The following COL19A1 variants were observed in gnomAD, a reference collection of about 807,000 sequenced individuals.
The protein encoded by COL19A1 is collagen type XIX alpha 1 chain, also known as collagen alpha-1(XIX) chain.
COL19A1 carries 159 observed loss-of-function variants against 190.2 expected under a neutral mutation model. The ratio of observed to expected loss-of-function variants is 0.84; its 90% confidence interval spans 0.73 to 0.95. The LOEUF (loss-of-function observed/expected upper bound fraction) is 0.95, where lower values mean the gene tolerates loss of function less well. Among genes scored for constraint, COL19A1 ranks in the 40% least tolerant of loss-of-function variants. The pLI is 0.00. For missense variants in COL19A1, 1,418 were observed against 1,431.9 expected (o/e 0.99, Z 0.16); for synonymous variants, 509 against 458.9 (o/e 1.11, Z -1.39).
chr6:69,950,817 CA>C (rs1198330575), intron 9 of COL19A1, among the ~76,000 whole-genome samples: 1 of 151,678 alleles, frequency 6.6e-6, no homozygotes, highest in Admixed American at 6.6e-5. Flanking sequence ...ATATAACACT[CA>C]AATCATGTTT....
chr6:70,058,593 G>A (rs1429374355), intron 14 of COL19A1, among the ~76,000 whole-genome samples: 2 of 151,904 alleles, frequency 1.3e-5, no homozygotes, highest in Admixed American at 1.3e-4. Context: ...AAAATGATAG[G>A]CTTTTATACA....
At chr6:70,087,016 A>G (rs1239917800) in intron 15 of COL19A1, among the ~76,000 whole-genome samples, 1 of 152,072 alleles carries the variant, frequency 6.6e-6, no homozygotes, top group Non-Finnish European at 1.5e-5. Flanking sequence ...ATAAAGTTTT[A>G]TTGGAACACA....
chr6:70,157,917 G>A (rs1787543993), intron 34 of COL19A1, among the ~76,000 whole-genome samples: 1 of 152,122 alleles, frequency 6.6e-6, no homozygotes, highest in African/African-American at 2.4e-5. Flanking sequence ...GTCACTAGAA[G>A]TTAATTTTCA....
intron 15 of COL19A1, among the ~76,000 whole-genome samples, chr6:70,072,674 G>A (rs1781627321): frequency 6.6e-6 from 1 of 152,076 alleles, no homozygotes; most frequent in South Asian, 2.1e-4. Context: ...TGAAGTGCTT[G>A]CTCCAAGCTG....
intron 11 of COL19A1, among the ~76,000 whole-genome samples, chr6:69,990,566 G>A (rs2150073661): frequency 6.6e-6 from 1 of 152,004 alleles, no homozygotes; most frequent in South Asian, 2.1e-4. Context: ...TACATTATTT[G>A]TTAAAGAATC....
At chr6:70,118,054 A>G (rs936877933) in intron 16 of COL19A1, among the ~76,000 whole-genome samples, 2 of 152,052 alleles carry the variant, frequency 1.3e-5, no homozygotes, top group African/African-American at 2.4e-5. Flanking sequence ...GCCCTAGAGC[A>G]TCTACACCAC....
chr6:70,109,232 A>G (rs1784142996), intron 16 of COL19A1, among the ~76,000 whole-genome samples: 1 of 152,122 alleles, frequency 6.6e-6, no homozygotes, highest in Non-Finnish European at 1.5e-5. Context: ...TCTCATTACC[A>G]TCTAATTGAG....
chr6:70,023,741 A>T, intron 12 of COL19A1, 61 bp downstream of exon 12: 1 of 1,474,092 alleles, frequency 6.8e-7, no homozygotes, highest in Non-Finnish European at 9.3e-7. Flanking sequence ...TATGCTATTT[A>T]ATGCTATTAA....
intron 44 of COL19A1, among the ~76,000 whole-genome samples, chr6:70,183,388 A>G (rs1326048192): frequency 6.6e-6 from 1 of 152,152 alleles, no homozygotes; most frequent in Non-Finnish European, 1.5e-5. Context: ...ATAGAAAGTA[A>G]CACCTTCCTA....
chr6:69,868,468 C>G (rs543391494), intron 1 of COL19A1, among the ~76,000 whole-genome samples: 34 of 152,184 alleles, frequency 2.2e-4, no homozygotes, highest in African/African-American at 7.0e-4. Context: ...AATTTATGCT[C>G]TCTCTAGGGG....
intron 1 of COL19A1, chr6:69,867,749 A>C (rs878969237): frequency 6.6e-6 from 1 of 152,548 alleles, no homozygotes; most frequent in Non-Finnish European, 1.5e-5. Context: ...GCTTCATTTG[A>C]TGAGAAGGTG....
chr6:70,066,897 T>C (rs1186066586), intron 14 of COL19A1, among the ~76,000 whole-genome samples: 7 of 152,154 alleles, frequency 4.6e-5, no homozygotes, highest in Non-Finnish European at 8.8e-5. Flanking sequence ...GGGTGAATTA[T>C]AAATATTTGG....
chr6:70,205,937 C>T (rs950646678), intron 49 of COL19A1, among the ~76,000 whole-genome samples: 1 of 152,182 alleles, frequency 6.6e-6, no homozygotes, highest in Non-Finnish European at 1.5e-5. Flanking sequence ...TTTGCTGAAG[C>T]TCCTTTGGAG....
At chr6:70,196,603 T>G (rs1247839483) in intron 48 of COL19A1, among the ~76,000 whole-genome samples, 1 of 152,250 alleles carries the variant, frequency 6.6e-6, no homozygotes, top group Non-Finnish European at 1.5e-5. Context: ...ATCATCATAT[T>G]AATATTAATG....
intron 6 of COL19A1, among the ~76,000 whole-genome samples, chr6:69,931,669 C>G (rs1415548921): frequency 6.6e-6 from 1 of 151,846 alleles, no homozygotes; most frequent in Non-Finnish European, 1.5e-5. Flanking sequence ...AAAAATTAAC[C>G]TTAATAACCT....
intron 9 of COL19A1, among the ~76,000 whole-genome samples, chr6:69,949,310 G>T (rs979346249): frequency 5.3e-5 from 8 of 151,734 alleles, no homozygotes; most frequent in African/African-American, 1.5e-4. Flanking sequence ...CTCAGTCCCT[G>T]GTGGTGCCAG....
chr6:70,171,419 C>T lies in COL19A1; in HGVS notation c.2569-545C>T, dbSNP rs565411427. Among the ~76,000 whole-genome samples, 6 of 152,314 alleles carry T rather than the reference C, an allele frequency of 3.9e-5. No individual in the cohort carries two copies. The East Asian group carries it at 9.6e-4, about 24-fold the overall frequency. ...ATAGAAAACACTAATCTACCCCCTTCCAGTGACTCATCAACTTGAGCAATA... is the reference window on the plus strand; with the variant it reads ...ATAGAAAACACTAATCTACCCCCTTTCAGTGACTCATCAACTTGAGCAATA... On this transcript the variant is annotated intron_variant, in intron 40 of 50. Coordinates refer to ENST00000620364, the MANE Select transcript of COL19A1 (RefSeq NM_001858.6).
intron 24 of COL19A1, among the ~76,000 whole-genome samples, chr6:70,144,517 G>C (rs1786481935): frequency 6.6e-6 from 1 of 152,062 alleles, no homozygotes; most frequent in African/African-American, 2.4e-5. Flanking sequence ...TACCAATCCT[G>C]GTATAAACCT....
rs57248525 is a variant in COL19A1 at position 70,130,232 on chromosome 6, A to T, written c.1383+9A>T. 6,843 of 1,297,648 alleles carry T rather than the reference A, an allele frequency of 5.3e-3. 229 individuals are homozygous for T. In the African/African-American group the frequency reaches 0.088, roughly 17 times the overall value. 80.4% of individuals were successfully genotyped at this position (1,297,648 alleles called of 1,614,324 possible). ...GCCTGAAAGGAGACAAGGTAATCAG[A>T]TTTTTTTTTTTTAGATGGAGTCTTG... is the stretch of plus-strand genomic sequence containing the variant. On this transcript the variant is annotated intron_variant, in intron 18 of 50. Coordinates refer to ENST00000620364, the MANE Select transcript of COL19A1 (RefSeq NM_001858.6).
Sources: allele counts gnomAD v4.1 joint callset (sites outside exome capture counted in the v4.1 genomes callset), GRCh38; gene constraint gnomAD v4.1.1; transcripts MANE v1.5; gene names NCBI Gene and HGNC (gene_info 2026-07-23, HGNC 2026-07-21).